The following MORN1 variants were observed in gnomAD, a reference collection of about 807,000 sequenced individuals.
MORN1 encodes the protein MORN repeat-containing protein 1.
Under a neutral mutation model 61.9 loss-of-function variants are expected in MORN1, and 67 were observed. The ratio of observed to expected loss-of-function variants is 1.08; its 90% CI spans 0.89 to 1.33. The LOEUF (loss-of-function observed/expected upper bound fraction) is 1.33. MORN1 is among the 40% of genes most tolerant of loss of function. The pLI is 0.00. For missense variants in MORN1, 752 were observed against 691.2 expected (o/e 1.09, Z -0.99); for synonymous variants, 301 against 292.0 (o/e 1.03, Z -0.31).
intron 13 of MORN1, chr1:2,323,159 A>G (rs529715757): frequency 1.0e-6 from 1 of 985,356 alleles, no homozygotes; most frequent in East Asian, 1.1e-4. Context: ...GGACCGGTTG[A>G]TGGTGTGAGG....
At chr1:2,384,838 C>T (rs904441447) in intron 6 of MORN1, 140 bp downstream of exon 6, 8 of 682,014 alleles carry the variant, frequency 1.2e-5, no homozygotes, top group African/African-American at 1.8e-5. Context: ...AGAAACTTAT[C>T]TTCCCACACG....
intron 7 of MORN1, among the ~76,000 whole-genome samples, chr1:2,373,505 G>A (rs1642167171): frequency 6.6e-6 from 1 of 152,168 alleles, no homozygotes; most frequent in South Asian, 2.1e-4. Context: ...TGGGAGGAGG[G>A]GCTGGGATCT....
chr1:2,360,203 G>A (rs761553076), intron 8 of MORN1, among the ~76,000 whole-genome samples: 1 of 152,194 alleles, frequency 6.6e-6, no homozygotes, highest in African/African-American at 2.4e-5. Flanking sequence ...CAGGAACCCA[G>A]CCTCTCATCT....
chr1:2,389,665 A>G (rs1297444372), intron 2 of MORN1, among the ~76,000 whole-genome samples: 1 of 152,236 alleles, frequency 6.6e-6, no homozygotes, highest in Non-Finnish European at 1.5e-5. Context: ...TTCAGTCTGG[A>G]AAAGACAAAT....
At chr1:2,347,220 TG>T (rs1641538046) in intron 10 of MORN1, among the ~76,000 whole-genome samples, 1 of 152,130 alleles carries the variant, frequency 6.6e-6, no homozygotes, top group African/African-American at 2.4e-5. Context: ...CACGTCCCCT[TG>T]GGGCAGCTGG....
At chr1:2,355,837 C>T (rs953519429) in intron 10 of MORN1, among the ~76,000 whole-genome samples, 2 of 152,220 alleles carry the variant, frequency 1.3e-5, no homozygotes, top group Non-Finnish European at 2.9e-5. Flanking sequence ...GCTGAGCTCA[C>T]AAGGCAGTGT....
chr1:2,336,527 CT>C lies in MORN1; in HGVS notation c.1191del (p.Gly398AlafsTer35). The part of the protein sequence containing the change: ...SLHKKAGGRS[R>X]GGLHPRGTPP... ...GGTGTCCCCCTGGGGTGCAGGCCGC[CT>C]CTGGATCTGCCGCCTGCCTTCTAGA... On this transcript the variant is annotated frameshift_variant, in exon 12 of 14. Transcript: ENST00000378531. LOFTEE classifies it high-confidence loss of function. The C allele has an allele frequency of 6.2e-7, 1 of 1,612,770 alleles. No homozygotes were observed. The highest frequency in any genetic ancestry group is 8.5e-7 in the Non-Finnish European group (1 of 1,179,738).
At chr1:2,355,646 T>G (rs1318153545) in intron 10 of MORN1, among the ~76,000 whole-genome samples, 4 of 152,174 alleles carry the variant, frequency 2.6e-5, no homozygotes, top group African/African-American at 4.8e-5. Context: ...CACGGAACCT[T>G]AGGGAGAACT....
intron 5 of MORN1, 46 bp downstream of exon 5, chr1:2,385,761 G>T (rs761303760): frequency 6.4e-7 from 1 of 1,560,756 alleles, no homozygotes; most frequent in Non-Finnish European, 8.8e-7. Flanking sequence ...CACCTGCCCT[G>T]TGTATCTGTC....
At chr1:2,333,737 T>C (rs2645067) in intron 12 of MORN1, among the ~76,000 whole-genome samples, 110,394 of 152,210 alleles carry the variant, frequency 0.73, 41,210 homozygotes, top group East Asian at 0.91. Context: ...TTCCACTCCT[T>C]TGGCCCTGCC....
chr1:2,372,668 G>A lies in MORN1; in HGVS notation c.635-77C>T. 8.5e-7 allele frequency: 1 copy of A among 1,175,482 alleles called. No individual in the cohort carries two copies. Among genetic ancestry groups the A allele is most frequent in the Admixed American group, 2.2e-5 (1 of 44,984 alleles). The allele number at this position is 1,175,482 out of a possible 1,614,324, so 72.8% of individuals were successfully genotyped here. On this transcript the variant is annotated intron_variant, in intron 7 of 13. Coordinates refer to ENST00000378531, the MANE Select transcript of MORN1 (RefSeq NM_024848.3). This position sits in a 1 kb window ranked among gnomAD's most constrained non-coding sequence, Gnocchi z 5.4. ...CACCCCATGGCTGAGTCAGCAGTGG[G>A]CACCCCAGGAACCGACCAGAGCCCA...
chr1:2,333,795 G>A (rs1322459168), intron 12 of MORN1, among the ~76,000 whole-genome samples: 1 of 152,256 alleles, frequency 6.6e-6, no homozygotes, highest in Non-Finnish European at 1.5e-5. Flanking sequence ...TGAGGACCCT[G>A]CCTGGAACCA....
chr1:2,332,731 CT>C lies in MORN1; in HGVS notation c.1250+3737del, dbSNP rs151008838. On this transcript the variant is annotated intron_variant, in intron 12 of 13. Coordinates refer to ENST00000378531, the MANE Select transcript of MORN1 (RefSeq NM_024848.3). ...GAGATTTGGAGCAGCCAGGAGAACC[CT>C]TTGTTAGCTCCTGTTGGGATCCTGG... 4.9e-3 allele frequency: 2,230 copies of C among 456,518 alleles called. 40 individuals are homozygous for C. Among genetic ancestry groups the C allele is most frequent in the African/African-American group, 0.041 (2,050 of 50,202 alleles). 28.3% of individuals were successfully genotyped at this position (456,518 alleles called of 1,614,324 possible). A position where few individuals can be genotyped will look rare whatever the true frequency, so the allele number is the denominator to read the frequency against.
chr1:2,325,079 C>T (rs926190222), intron 12 of MORN1, among the ~76,000 whole-genome samples: 3 of 150,272 alleles, frequency 2.0e-5, no homozygotes, highest in East Asian at 2.0e-4. Context: ...TTCGGAAATA[C>T]ATCTTACTTT....
Position 2,334,811 on chromosome 1 carries a change from G to C in MORN1, c.1250+1658C>G, listed in dbSNP as rs571868201. Among the ~76,000 whole-genome samples, 1 of 152,356 alleles carries C rather than the reference G, an allele frequency of 6.6e-6. No individual in the cohort carries two copies. The highest frequency in any genetic ancestry group is 2.1e-4 in the South Asian group (1 of 4,830). On this transcript the variant is annotated intron_variant, in intron 12 of 13. Coordinates refer to ENST00000378531, the MANE Select transcript of MORN1 (RefSeq NM_024848.3). This position sits in a 1 kb window ranked among gnomAD's most constrained non-coding sequence, Gnocchi z 5.4. ...AGACGCCGACCCCTCCGTTCTCTCA[G>C]GTGGAAAAGAACGAAAGCCTTCTTT...
intron 13 of MORN1, chr1:2,322,390 G>A: frequency 1.0e-6 from 1 of 985,358 alleles, no homozygotes; most frequent in Non-Finnish European, 1.2e-6. Context: ...ACACCGCAAG[G>A]CAGAGCAACA....
At chr1:2,388,005 A>C in intron 3 of MORN1, 1 of 517,610 alleles carries the variant, frequency 1.9e-6, no homozygotes, top group Non-Finnish European at 3.4e-6. Context: ...GAAATAGTGT[A>C]ACTTGGGACA....
At chr1:2,335,351 ACT>A (rs1246893659) in intron 12 of MORN1, among the ~76,000 whole-genome samples, 5 of 152,006 alleles carry the variant, frequency 3.3e-5, no homozygotes, top group Non-Finnish European at 7.4e-5. Context: ...GCCCCGGCAC[ACT>A]CACACTCACA....
chr1:2,372,600 G>A lies in MORN1; in HGVS notation c.635-9C>T. 1.2e-6 allele frequency: 2 copies of A among 1,609,256 alleles called. No individual in the cohort carries two copies. Among genetic ancestry groups the A allele is most frequent in the Non-Finnish European group, 1.7e-6 (2 of 1,176,944 alleles). The stretch of plus-strand genomic sequence containing the variant: ...GATCCTCGTAGCTTGTTCTGGGAGA[G>A]GACAGAGTGTGGCTTTAGCGGTGAC... On this transcript the variant is annotated splice_polypyrimidine_tract_variant and intron_variant, in intron 7 of 13. Coordinates refer to ENST00000378531, the MANE Select transcript of MORN1 (RefSeq NM_024848.3). The surrounding 1 kb of genome is among the most constrained non-coding windows in gnomAD (Gnocchi z 5.4).
Sources: gnomAD v4.1 joint callset for allele counts (sites outside exome capture counted in the v4.1 genomes callset) on GRCh38, gnomAD v4.1.1 for gene constraint, Gnocchi (gnomAD v3.1) non-coding constraint, MANE v1.5 for transcripts, NCBI Gene and HGNC (gene_info 2026-07-23, HGNC 2026-07-21) for gene names.